TENM3: variants seen among roughly 807,000 people sequenced by gnomAD.
The protein encoded by TENM3 is teneurin-3.
In TENM3, 63 loss-of-function variants were observed where a neutral mutation model predicts 255.1. The ratio of observed to expected loss-of-function variants is 0.25; its 90% CI spans 0.20 to 0.30. TENM3 has a LOEUF of 0.30. TENM3 is among the 10% of genes least tolerant of loss of function. TENM3 has a pLI of 1.00. For synonymous variants in TENM3, 1,306 were observed against 1,322.3 expected, an observed-to-expected ratio of 0.99 and a Z score of 0.27; for missense variants, 2,929 against 3,461.1, an observed-to-expected ratio of 0.85 and a Z score of 3.86.
intron 1 of TENM3, among the ~76,000 whole-genome samples, chr4:182,305,971 C>A (rs185171943): frequency 6.6e-6 from 1 of 152,066 alleles, no homozygotes; most frequent in East Asian, 1.9e-4. Context: ...CCCTAGCCAT[C>A]TGGGAAGTGT....
intron 1 of TENM3, among the ~76,000 whole-genome samples, chr4:182,176,183 C>T (rs546529760): frequency 2.0e-5 from 3 of 151,910 alleles, no homozygotes; most frequent in Admixed American, 6.6e-5. Context: ...CTATAGAAGG[C>T]GTGTAATAAA....
the TENM3 span, among the ~76,000 whole-genome samples, chr4:181,868,383 A>G: frequency 3.9e-5 from 6 of 152,206 alleles, no homozygotes; most frequent in African/African-American, 1.4e-4. Flanking sequence ...GCCTTAAAAA[A>G]GACGAAATTG....
the TENM3 span, among the ~76,000 whole-genome samples, chr4:181,670,455 A>G: frequency 4.6e-5 from 7 of 152,142 alleles, no homozygotes; most frequent in Non-Finnish European, 1.0e-4. Flanking sequence ...TCTTGTCATC[A>G]CTTAAAATTG....
the TENM3 span, among the ~76,000 whole-genome samples, chr4:181,509,818 G>A: frequency 6.6e-6 from 1 of 152,200 alleles, no homozygotes; most frequent in African/African-American, 2.4e-5. Context: ...ACATGTGAGT[G>A]CCCAGAGTGA....
At position 182,773,560 on chromosome 4, in the gene TENM3, G is replaced by T; in HGVS notation, c.4981G>T (p.Val1661Leu). 1 of 1,613,928 alleles carries T rather than the reference G, an allele frequency of 6.2e-7. No individual in the cohort carries two copies. The highest frequency in any genetic ancestry group is 8.5e-7 in the Non-Finnish European group (1 of 1,179,854). ...TGGGGACATGGACAAGGCTATCACAGTGGACATTGAGTCATCTAGCCGAGA... is the reference window on the plus strand; with the variant it reads ...TGGGGACATGGACAAGGCTATCACATTGGACATTGAGTCATCTAGCCGAGA... ...LHGDMDKAIT[V>L]DIESSSREED... is the part of the protein sequence containing the mutation. Residue 1661 changes from valine to leucine, a missense_variant, in exon 23 of 28, where the codon GTG (valine) becomes TTG (leucine). Physicochemically the swap from Val to Leu is conservative, Grantham distance 32. Coordinates refer to ENST00000511685, the MANE Select transcript of TENM3 (RefSeq NM_001080477.4).
chr4:182,014,170 AC>A, the TENM3 span, among the ~76,000 whole-genome samples: 1 of 147,704 alleles, frequency 6.8e-6, no homozygotes, highest in East Asian at 2.0e-4. Flanking sequence ...ACATATATAT[AC>A]ATATATATAT....
At chr4:182,782,837 GT>G (rs1486736272) in intron 24 of TENM3, among the ~76,000 whole-genome samples, 1 of 143,380 alleles carries the variant, frequency 7.0e-6, no homozygotes, top group South Asian at 2.3e-4. Context: ...TTTGATCTTT[GT>G]TGGTTTAAAG....
At chr4:182,109,599 T>C in the TENM3 span, among the ~76,000 whole-genome samples, 2 of 152,110 alleles carry the variant, frequency 1.3e-5, no homozygotes, top group Admixed American at 6.5e-5. Flanking sequence ...CCCAGATATG[T>C]CTATAGTAAA....
intron 1 of TENM3, among the ~76,000 whole-genome samples, chr4:182,257,857 G>A (rs1464356815): frequency 6.6e-6 from 1 of 152,144 alleles, no homozygotes; most frequent in African/African-American, 2.4e-5. Context: ...CCCATACAAT[G>A]CTACATCTAG....
At chr4:182,589,469 C>A (rs7685127) in intron 3 of TENM3, among the ~76,000 whole-genome samples, 28,719 of 107,508 alleles carry the variant, frequency 0.27, 3,051 homozygotes, top group Middle Eastern at 0.35. Flanking sequence ...TTTTTTTGGT[C>A]CTTAATCATT....
chr4:182,611,337 T>C (rs1581097185), intron 4 of TENM3, among the ~76,000 whole-genome samples: 1 of 144,096 alleles, frequency 6.9e-6, no homozygotes, highest in Non-Finnish European at 1.5e-5. Context: ...TAAAACAATT[T>C]TACAGAATTT....
the TENM3 span, among the ~76,000 whole-genome samples, chr4:181,699,959 G>C: frequency 6.6e-6 from 1 of 152,110 alleles, no homozygotes; most frequent in Non-Finnish European, 1.5e-5. Flanking sequence ...TAATGAGGTA[G>C]GCCTATTTTT....
At chr4:182,003,766 CTT>C in the TENM3 span, among the ~76,000 whole-genome samples, 1 of 152,072 alleles carries the variant, frequency 6.6e-6, no homozygotes, top group African/African-American at 2.4e-5. Flanking sequence ...AGCCTACACT[CTT>C]TTCTTGCTAT....
At chr4:182,507,106 A>T (rs1736907217) in intron 3 of TENM3, among the ~76,000 whole-genome samples, 1 of 152,046 alleles carries the variant, frequency 6.6e-6, no homozygotes, top group Non-Finnish European at 1.5e-5. Context: ...GAAATTGAAA[A>T]GCTATTCTCC....
the TENM3 span, among the ~76,000 whole-genome samples, chr4:181,618,813 C>G: frequency 6.6e-6 from 1 of 152,136 alleles, no homozygotes; most frequent in African/African-American, 2.4e-5. Flanking sequence ...TGTTTTGCTT[C>G]TGGAAAATAG....
chr4:182,467,625 A>G lies in TENM3; in HGVS notation c.511+120696A>G, dbSNP rs571251441. Among the ~76,000 whole-genome samples the G allele has an allele frequency of 2.6e-5, 4 of 152,308 alleles. No homozygotes were observed. In the East Asian group the frequency reaches 5.8e-4, roughly 22 times the overall value. ...GCTATTGGTTAATTAGATATGGGAA[A>G]GCCCTTTCAGAGAAGTGGACTTAAG... On this transcript the variant is annotated intron_variant, in intron 3 of 27. Transcript: ENST00000511685.
chr4:181,514,891 C>T, the TENM3 span, among the ~76,000 whole-genome samples: 99 of 152,294 alleles, frequency 6.5e-4, no homozygotes, highest in Admixed American at 1.4e-3. Context: ...CCATATATTA[C>T]AGCAACACCT....
chr4:182,535,149 T>C (rs1740173580), intron 3 of TENM3, among the ~76,000 whole-genome samples: 1 of 152,208 alleles, frequency 6.6e-6, no homozygotes, highest in South Asian at 2.1e-4. Flanking sequence ...GCTGTACATT[T>C]TCCTTAGATG....
At chr4:182,346,118 C>T (rs1001232550) in intron 2 of TENM3, among the ~76,000 whole-genome samples, 4 of 147,454 alleles carry the variant, frequency 2.7e-5, no homozygotes, top group South Asian at 2.2e-4. Flanking sequence ...CAAAATACTA[C>T]GTGTTATGTT....
Sources: gnomAD v4.1 joint callset for allele counts (sites outside exome capture counted in the v4.1 genomes callset) on GRCh38, gnomAD v4.1.1 for gene constraint, MANE v1.5 for transcripts, NCBI Gene and HGNC (gene_info 2026-07-23, HGNC 2026-07-21) for gene names.